Variants in DRGX observed in about 807,000 individuals in gnomAD.
DRGX encodes dorsal root ganglia homeobox protein.
Under a neutral mutation model 28.6 loss-of-function variants are expected in DRGX, and 21 were observed. The ratio of observed to expected loss-of-function variants is 0.73; its 90% confidence interval spans 0.52 to 1.06. DRGX has a LOEUF of 1.06. DRGX is among the 50% of genes least tolerant of loss of function. DRGX has a pLI of 0.00. For missense variants in DRGX, 354 were observed against 343.9 expected (o/e 1.03, Z -0.23); for synonymous variants, 136 against 139.1 (o/e 0.98, Z 0.16).
At chr10:49,390,488 A>G (rs995816080) in intron 3 of DRGX, among the ~76,000 whole-genome samples, 6 of 152,212 alleles carry the variant, frequency 3.9e-5, no homozygotes, top group African/African-American at 7.2e-5. Flanking sequence ...GTGAATATTT[A>G]TATGCATTTA....
chr10:49,383,748 C>G (rs1849802518), intron 6 of DRGX, among the ~76,000 whole-genome samples: 1 of 152,192 alleles, frequency 6.6e-6, no homozygotes, highest in South Asian at 2.1e-4. Flanking sequence ...TGCTCTCTTT[C>G]CACAAGGAGC....
chr10:49,370,228 A>C (rs1301723935), intron 6 of DRGX, among the ~76,000 whole-genome samples: 1 of 152,072 alleles, frequency 6.6e-6, no homozygotes, highest in Admixed American at 6.6e-5. Flanking sequence ...AATATGGTGA[A>C]ATCCCGTCTC....
chr10:49,395,192 G>C (rs1849952595), intron 2 of DRGX, among the ~76,000 whole-genome samples: 1 of 152,190 alleles, frequency 6.6e-6, no homozygotes, highest in Non-Finnish European at 1.5e-5. Context: ...GGCCCAGGCG[G>C]GGAGGGAGCT....
intron 6 of DRGX, among the ~76,000 whole-genome samples, chr10:49,371,550 G>GGGA (rs1849659540): frequency 6.6e-6 from 1 of 152,104 alleles, no homozygotes; most frequent in Admixed American, 6.5e-5. Context: ...CCAGCACTTT[G>GGGA]GGAGGCCAAG....
chr10:49,374,284 T>C (rs1255880815), intron 6 of DRGX, among the ~76,000 whole-genome samples: 5 of 152,196 alleles, frequency 3.3e-5, no homozygotes, highest in Non-Finnish European at 4.4e-5. Flanking sequence ...AGATGACTAA[T>C]GGCCTCCGCC....
intron 4 of DRGX, among the ~76,000 whole-genome samples, chr10:49,389,162 G>A (rs1849871705): frequency 6.6e-6 from 1 of 152,080 alleles, no homozygotes; most frequent in Non-Finnish European, 1.5e-5. Context: ...TATGACCAAT[G>A]ATTCATGTTC....
At chr10:49,368,661 A>C (rs975239381) in intron 6 of DRGX, among the ~76,000 whole-genome samples, 1 of 152,152 alleles carries the variant, frequency 6.6e-6, no homozygotes, top group African/African-American at 2.4e-5. Context: ...GCCCAAACGC[A>C]CTCACTGGTG....
intron 6 of DRGX, among the ~76,000 whole-genome samples, chr10:49,384,914 C>A (rs1012048575): frequency 6.6e-6 from 1 of 152,180 alleles, no homozygotes; most frequent in Non-Finnish European, 1.5e-5. Context: ...GGGCGAGCGA[C>A]CCTCATTTGT....
At chr10:49,387,359 T>C (rs1849851285) in intron 4 of DRGX, among the ~76,000 whole-genome samples, 1 of 152,014 alleles carries the variant, frequency 6.6e-6, no homozygotes, top group South Asian at 2.1e-4. Flanking sequence ...AGTGCACCCA[T>C]TAGAAACATT....
chr10:49,370,630 C>G (rs567552649), intron 6 of DRGX, among the ~76,000 whole-genome samples: 1 of 152,356 alleles, frequency 6.6e-6, no homozygotes, highest in South Asian at 2.1e-4. Flanking sequence ...TCCCCTGGAC[C>G]TGCCCAGACC....
chr10:49,385,177 C>T (rs1849817930), intron 6 of DRGX, among the ~76,000 whole-genome samples: 1 of 152,116 alleles, frequency 6.6e-6, no homozygotes, highest in South Asian at 2.1e-4. Flanking sequence ...TCTATGTGGC[C>T]CCCAGAGCAC....
intron 6 of DRGX, among the ~76,000 whole-genome samples, chr10:49,383,672 G>C (rs544981886): frequency 3.3e-5 from 5 of 152,306 alleles, no homozygotes; most frequent in African/African-American, 1.2e-4. Context: ...GTAGGACATC[G>C]GCCATGAGGG....
In DRGX at chr10:49,382,087, C is replaced by T. The variant is rs115327532; in HGVS notation, c.526+4391G>A. 6.0e-3 allele frequency among the ~76,000 whole-genome samples: 919 copies of T among 152,230 alleles called. 10 individuals are homozygous for T. The highest frequency in any genetic ancestry group is 0.021 in the African/African-American group (868 of 41,542). On this transcript the variant is annotated intron_variant, in intron 6 of 6. Coordinates refer to ENST00000374139, the MANE Select transcript of DRGX (RefSeq NM_001276451.2). The stretch of plus-strand genomic sequence containing the variant: ...AGCCCCTCCCCCAGTAGATTTATGA[C>T]TGTCACTACTTGCTGGGGAGCAGCA...
At chr10:49,379,686 C>A (rs1849753597) in intron 6 of DRGX, among the ~76,000 whole-genome samples, 1 of 152,212 alleles carries the variant, frequency 6.6e-6, no homozygotes, top group Non-Finnish European at 1.5e-5. Context: ...AGGCCATGGC[C>A]AGACCTCTGC....
At position 49,386,760 on chromosome 10, in the gene DRGX, A is replaced by C. The variant is rs953690836; in HGVS notation, c.333T>G (p.Pro111=). The change falls in exon 5 of 7, where the codon CCT becomes CCG. Residue 111 remains proline (P), a synonymous_variant. Transcript: ENST00000374139. The stretch of plus-strand genomic sequence containing the variant: ...GGGAGTTGATGTTTCTCACTGGAGG[A>C]GGTGTCACCTCTGCCATGGGCTCCT... ...GAKEPMAEVT[P]PPVRNINSPP... The C allele has an allele frequency of 3.1e-6, 5 of 1,609,836 alleles. No homozygotes were observed. The Admixed American group carries it at 8.4e-5, about 27-fold the overall frequency.
chr10:49,376,588 T>C (rs541912364), intron 6 of DRGX, among the ~76,000 whole-genome samples: 4 of 152,208 alleles, frequency 2.6e-5, no homozygotes, highest in Non-Finnish European at 5.9e-5. Context: ...CTCAACATCA[T>C]GACTCTAACA....
chr10:49,367,979 C>G (rs1423867932), intron 6 of DRGX, among the ~76,000 whole-genome samples: 1 of 152,224 alleles, frequency 6.6e-6, no homozygotes, highest in East Asian at 1.9e-4. Flanking sequence ...GCTTTTCCAG[C>G]AGCTGGGACT....
chr10:49,387,611 C>T (rs527358242), intron 4 of DRGX, among the ~76,000 whole-genome samples: 2 of 149,776 alleles, frequency 1.3e-5, no homozygotes, highest in South Asian at 2.1e-4. Flanking sequence ...CGCAGTGAGC[C>T]GAGATCATGC....
intron 6 of DRGX, among the ~76,000 whole-genome samples, chr10:49,369,772 A>C (rs936306930): frequency 8.1e-5 from 12 of 148,546 alleles, no homozygotes; most frequent in Admixed American, 8.0e-4. Context: ...AAAGAAAATA[A>C]GATTTTTTTT....
Sources: allele counts gnomAD v4.1 joint callset (sites outside exome capture counted in the v4.1 genomes callset), GRCh38; gene constraint gnomAD v4.1.1; transcripts MANE v1.5; gene names NCBI Gene and HGNC (gene_info 2026-07-23, HGNC 2026-07-21).